SIM2: variants seen among roughly 807,000 people sequenced by gnomAD.
SIM2 encodes SIM bHLH transcription factor 2.
Under a neutral mutation model 64.8 loss-of-function variants are expected in SIM2, and 28 were observed. The observed-to-expected ratio is 0.43, with a 90% CI of 0.32 to 0.59. The LOEUF is 0.59. Among genes scored for constraint, SIM2 ranks in the 20% least tolerant of loss-of-function variants. The pLI is 0.07. For synonymous variants in SIM2, 408 were observed against 391.1 expected, an observed-to-expected ratio of 1.04 and a Z score of -0.51; for missense variants, 847 against 871.4, an observed-to-expected ratio of 0.97 and a Z score of 0.35.
At chr21:36,703,751 C>T (rs763413803) in intron 1 of SIM2, among the ~76,000 whole-genome samples, 21 of 152,262 alleles carry the variant, frequency 1.4e-4, no homozygotes, top group Non-Finnish European at 2.6e-4. Flanking sequence ...TCAGCCAGCC[C>T]TCCCCAAAGT....
chr21:36,718,516 A>T (rs2088775890), intron 3 of SIM2, among the ~76,000 whole-genome samples: 1 of 152,208 alleles, frequency 6.6e-6, no homozygotes, highest in African/African-American at 2.4e-5. Flanking sequence ...TCCTTTTGTT[A>T]TCTTGAGTTA....
In SIM2 at chr21:36,726,052, G is replaced by A. The variant is rs972515425; in HGVS notation, c.544-67G>A. Reference sequence around the variant, plus strand: ...TATTCTAGCATGTTTGAGAAAATGAGCCAGGAGGAGTGGGCTCCAGCCCAA... The same window carrying A: ...TATTCTAGCATGTTTGAGAAAATGAACCAGGAGGAGTGGGCTCCAGCCCAA... On this transcript the variant is annotated intron_variant, in intron 5 of 10. Coordinates refer to ENST00000290399, the MANE Select transcript of SIM2 (RefSeq NM_005069.6). The surrounding 1 kb of genome is among the most constrained non-coding windows in gnomAD (Gnocchi z 4.5). 6.1e-6 allele frequency: 8 copies of A among 1,312,656 alleles called. No homozygotes were observed. The highest frequency in any genetic ancestry group is 8.7e-6 in the Non-Finnish European group (8 of 918,252). 81.3% of individuals were successfully genotyped at this position (1,312,656 alleles called of 1,614,324 possible).
At chr21:36,702,042 T>C (rs2088506988) in intron 1 of SIM2, among the ~76,000 whole-genome samples, 1 of 152,196 alleles carries the variant, frequency 6.6e-6, no homozygotes. Context: ...TGTTCGCTGT[T>C]TGAGGGATTT....
chr21:36,736,261 C>T (rs542180070), intron 7 of SIM2, among the ~76,000 whole-genome samples: 1 of 152,012 alleles, frequency 6.6e-6, no homozygotes, highest in Non-Finnish European at 1.5e-5. Flanking sequence ...CAGCTGCCAA[C>T]AGCCAGGACC....
At chr21:36,716,799 G>A (rs2088752659) in intron 3 of SIM2, among the ~76,000 whole-genome samples, 1 of 152,038 alleles carries the variant, frequency 6.6e-6, no homozygotes, top group African/African-American at 2.4e-5. Flanking sequence ...ATATCACATG[G>A]AAGGTCTGTT....
At chr21:36,715,134 A>G (rs2088729274) in intron 3 of SIM2, among the ~76,000 whole-genome samples, 1 of 152,214 alleles carries the variant, frequency 6.6e-6, no homozygotes, top group Admixed American at 6.5e-5. Context: ...CACAGCTACA[A>G]AAACACTTTA....
chr21:36,736,914 T>G (rs2089066604), intron 7 of SIM2, among the ~76,000 whole-genome samples: 3 of 151,962 alleles, frequency 2.0e-5, no homozygotes, highest in African/African-American at 7.3e-5. Context: ...TCTTTCGTTC[T>G]TTCTCTCTCT....
At chr21:36,720,081 C>T (rs888043758) in intron 4 of SIM2, 152 bp downstream of exon 4, 2 of 609,606 alleles carry the variant, frequency 3.3e-6, no homozygotes, top group African/African-American at 1.8e-5. Context: ...ACAGCACCCA[C>T]CACGTGGGGA....
rs1315033423 is a variant in SIM2, at chr21:36,741,878, ATT to A, written c.998+16_998+17del. ...TTATGTACTCACGTAAGTCACACGT[ATT>A]TGTTTCTCTCCTTGCTCTTTTCTCT... On this transcript the variant is annotated intron_variant, in intron 8 of 10. Coordinates refer to ENST00000290399, the MANE Select transcript of SIM2 (RefSeq NM_005069.6). The A allele has an allele frequency of 1.3e-6, 2 of 1,552,390 alleles. No homozygotes were observed. Among genetic ancestry groups the A allele is most frequent in the Non-Finnish European group, 8.7e-7 (1 of 1,146,012 alleles).
rs377180868 is a variant in SIM2 at position 36,745,116 on chromosome 21, G to A, written c.1556G>A (p.Ser519Asn). Residue 519 changes from serine to asparagine, a missense_variant, in exon 10 of 11, where the codon AGC becomes AAC. Ser to Asn is a conservative substitution (Grantham distance 46, BLOSUM62 1). Coordinates refer to ENST00000290399, the MANE Select transcript of SIM2 (RefSeq NM_005069.6). The surrounding 1 kb of genome is among the most constrained non-coding windows in gnomAD (Gnocchi z 4.8). ...PEPPANTARH[S>N]LVPSYEAPAA... Reference sequence around the variant, plus strand: ...CCACCGGCGAACACTGCTAGGCACAGCCTGGTGCCAAGCTACGAAGGTGGG... The same window carrying A: ...CCACCGGCGAACACTGCTAGGCACAACCTGGTGCCAAGCTACGAAGGTGGG... The A allele has an allele frequency of 6.2e-7, 1 of 1,611,702 alleles. No homozygotes were observed. The highest frequency in any genetic ancestry group is 1.3e-5 in the African/African-American group (1 of 74,916).
At chr21:36,702,056 G>A (rs1014842505) in intron 1 of SIM2, among the ~76,000 whole-genome samples, 2 of 152,202 alleles carry the variant, frequency 1.3e-5, no homozygotes, top group Non-Finnish European at 2.9e-5. Context: ...GGGATTTCCC[G>A]GAGAGCCTGT....
chr21:36,717,280 T>C (rs574011003), intron 3 of SIM2, among the ~76,000 whole-genome samples: 2 of 152,314 alleles, frequency 1.3e-5, no homozygotes, highest in Admixed American at 1.3e-4. Flanking sequence ...AGTTACTTTT[T>C]TCCAGAAAAG....
intron 6 of SIM2, among the ~76,000 whole-genome samples, chr21:36,730,054 T>A (rs1233959467): frequency 6.6e-6 from 1 of 151,774 alleles, no homozygotes; most frequent in East Asian, 1.9e-4. Context: ...TTCTGGGGGG[T>A]CTGAACCAAT....
intron 9 of SIM2, 115 bp from the exon 10 acceptor site, chr21:36,744,613 G>T: frequency 7.6e-7 from 1 of 1,307,564 alleles, no homozygotes; most frequent in Non-Finnish European, 1.0e-6. Context: ...TGGTGGCGAG[G>T]GTAGGGGCAG....
At chr21:36,707,057 C>T (rs1041678087) in intron 1 of SIM2, among the ~76,000 whole-genome samples, 2 of 152,280 alleles carry the variant, frequency 1.3e-5, no homozygotes, top group African/African-American at 4.8e-5. Flanking sequence ...CCAAGTCTTC[C>T]CGCCATGGGC....
At chr21:36,725,261 G>T (rs1450196010) in intron 5 of SIM2, among the ~76,000 whole-genome samples, 1 of 152,088 alleles carries the variant, frequency 6.6e-6, no homozygotes, top group Admixed American at 6.5e-5. Context: ...AAGGTGGGAG[G>T]ATCACTTGAG....
chr21:36,743,141 T>C (rs758696695), intron 8 of SIM2, among the ~76,000 whole-genome samples: 170 of 152,326 alleles, frequency 1.1e-3, no homozygotes, highest in Middle Eastern at 0.01. Context: ...GCAATGTGTT[T>C]GGGGTTTTAT....
chr21:36,702,884 A>G (rs1190373853), intron 1 of SIM2, among the ~76,000 whole-genome samples: 9 of 151,358 alleles, frequency 5.9e-5, no homozygotes, highest in African/African-American at 2.2e-4. Flanking sequence ...TCTTGTCTCA[A>G]AGCAAGTGGA....
chr21:36,744,801 G>A lies in SIM2; in HGVS notation c.1241G>A (p.Ser414Asn), dbSNP rs976058926. 1.2e-6 allele frequency: 2 copies of A among 1,613,878 alleles called. No individual in the cohort carries two copies. Among genetic ancestry groups the A allele is most frequent in the East Asian group, 4.5e-5 (2 of 44,898 alleles). ...LGNWRASPPA[S>N]AAAPPELQPH... ...AACTGGAGAGCCAGTCCCCCTGCAA[G>A]CGCTGCTGCTCCTCCAGAACTGCAG... is the stretch of plus-strand genomic sequence containing the variant. The change falls in exon 10 of 11, where the codon AGC becomes AAC. Residue 414 changes from serine (S) to asparagine (N), a missense_variant. Physicochemically the swap from Ser to Asn is conservative, Grantham distance 46. This residue lies in a region of SIM2 where 447 missense variants were observed against 414.6 expected (regional missense o/e 1.08). Coordinates refer to ENST00000290399, the MANE Select transcript of SIM2 (RefSeq NM_005069.6).
Sources: allele counts gnomAD v4.1 joint callset (sites outside exome capture counted in the v4.1 genomes callset), GRCh38; gene constraint gnomAD v4.1.1; regional missense constraint gnomAD v4.1.1; non-coding constraint Gnocchi (gnomAD v3.1); transcripts MANE v1.5; gene names NCBI Gene and HGNC (gene_info 2026-07-23, HGNC 2026-07-21).